Variants in CLCC1 observed in about 807,000 individuals in gnomAD.
The protein encoded by CLCC1 is chloride channel CLIC-like protein 1.
CLCC1 carries 39 observed loss-of-function variants against 63.3 expected under a neutral mutation model. The ratio of observed to expected loss-of-function variants is 0.62; its 90% CI spans 0.48 to 0.81. The LOEUF is 0.81. Among genes scored for constraint, CLCC1 ranks in the 30% least tolerant of loss-of-function variants. The pLI, the probability that CLCC1 is intolerant of heterozygous loss-of-function variation, is 0.00. For synonymous variants in CLCC1, 217 were observed against 239.8 expected (o/e 0.90, Z 0.88); for missense variants, 549 against 669.4 (o/e 0.82, Z 1.98).
rs1385628042 is a variant in CLCC1 at position 108,937,234 on chromosome 1, T to G, written c.1226A>C (p.Gln409Pro). 1.9e-6 allele frequency: 3 copies of G among 1,613,964 alleles called. No homozygotes were observed. Among genetic ancestry groups the G allele is most frequent in the Non-Finnish European group, 2.5e-6 (3 of 1,179,940 alleles). ...CTCATACGTTTTGGCATAAGGGCCT[T>G]GCTCAGTGGGGCCCATTTGGCCCCT... ...HYRGQMGPTE[Q>P]GPYAKTYEGR... The change falls in exon 11 of 13, where the codon CAA becomes CCA. Residue 409 changes from glutamine (Q) to proline (P), a missense_variant. Gln to Pro is a moderately conservative substitution (Grantham distance 76). Transcript: ENST00000369969.
rs1654266141 is a variant in CLCC1 at position 108,944,454 on chromosome 1, G to GT, written c.340-398dup. 2.0e-5 allele frequency among the ~76,000 whole-genome samples: 3 copies of GT among 151,606 alleles called. No homozygotes were observed. In the South Asian group the frequency reaches 6.2e-4, roughly 32 times the overall value. ...ACTGCACTCCAGCATGGGAGACAGA[G>GT]TAAGACCCTGTCTCTAAAAAAAAAA... On this transcript the variant is annotated intron_variant, in intron 5 of 12. Coordinates refer to ENST00000369969, the MANE Select transcript of CLCC1 (RefSeq NM_001377458.1).
intron 5 of CLCC1, among the ~76,000 whole-genome samples, chr1:108,945,542 G>A (rs1027828290): frequency 3.9e-5 from 6 of 152,116 alleles, no homozygotes; most frequent in Admixed American, 1.3e-4. Context: ...AGAACACCTC[G>A]ATTATTGACT....
In CLCC1 at chr1:108,943,845, A is replaced by G. The variant is rs187766437; in HGVS notation, c.552T>C (p.Asn184=). ...CCTCATCCCATCTTACCATTAACAC[A>G]TTATATGGATCCACTCCAAAGGAAT... The part of the protein sequence containing the change: ...FEDSFGVDPY[N]VLMVLLCLLC... Residue 184 remains asparagine, a synonymous_variant, in exon 6 of 13, where the codon AAT becomes AAC. Transcript: ENST00000369969. 2 of 1,609,404 alleles carry G rather than the reference A, an allele frequency of 1.2e-6. No individual in the cohort carries two copies. The highest frequency in any genetic ancestry group is 4.5e-5 in the East Asian group (2 of 44,858).
chr1:108,929,847 A>C lies in CLCC1; in HGVS notation c.*2700T>G. The C allele has an allele frequency of 6.2e-7, 1 of 1,614,088 alleles. No homozygotes were observed. On this transcript the variant is annotated 3_prime_UTR_variant, in exon 13 of 13. Coordinates refer to ENST00000369969, the MANE Select transcript of CLCC1 (RefSeq NM_001377458.1). The stretch of plus-strand genomic sequence containing the variant: ...AGAGAGTTCTTTTACAAAGAGATCA[A>C]AACAGAGACACTGACTTTGGGCTAA...
chr1:108,953,113 C>A (rs993888818), intron 2 of CLCC1, among the ~76,000 whole-genome samples: 1 of 152,200 alleles, frequency 6.6e-6, no homozygotes, highest in African/African-American at 2.4e-5. Flanking sequence ...TGTTGGGCAG[C>A]CTATCTTATA....
intron 4 of CLCC1, among the ~76,000 whole-genome samples, chr1:108,948,416 T>C (rs536941475): frequency 0.018 from 2,769 of 152,286 alleles, 41 homozygotes; most frequent in South Asian, 0.07. Context: ...TGGGTATTTT[T>C]CAAACATTAG....
Position 108,931,588 on chromosome 1 carries a change from AAG to A in CLCC1, c.*957_*958del. 7.0e-7 allele frequency: 1 copy of A among 1,418,582 alleles called. No individual in the cohort carries two copies. The highest frequency in any genetic ancestry group is 2.6e-5 in the East Asian group (1 of 38,868). 87.9% of individuals were successfully genotyped at this position (1,418,582 alleles called of 1,614,324 possible). A position where few individuals can be genotyped will look rare whatever the true frequency, so the allele number is the denominator to read the frequency against. ...ATTTCTCTAATGGCCAATGTTTTTTAAGAGTCATAACCTGGAATTAATTACAT... is the reference window on the plus strand; with the variant it reads ...ATTTCTCTAATGGCCAATGTTTTTTAAGTCATAACCTGGAATTAATTACAT... On this transcript the variant is annotated 3_prime_UTR_variant, in exon 13 of 13. Transcript: ENST00000369969.
chr1:108,934,320 C>T (rs1310142891), intron 12 of CLCC1: 7 of 220,016 alleles, frequency 3.2e-5, no homozygotes, highest in Admixed American at 1.0e-4. Context: ...AGTGGGTTCC[C>T]GTAAGTGCCT....
intron 10 of CLCC1, among the ~76,000 whole-genome samples, 180 bp downstream of exon 10, chr1:108,939,456 G>A (rs927624859): frequency 7.9e-5 from 12 of 151,160 alleles, no homozygotes; most frequent in South Asian, 4.2e-4. Flanking sequence ...ACAGGCGCCC[G>A]CCACCACGCC....
chr1:108,930,333 C>T lies in CLCC1; in HGVS notation c.*2214G>A, dbSNP rs1651716986. The T allele has an allele frequency of 1.2e-5, 2 of 166,414 alleles. No homozygotes were observed. The highest frequency in any genetic ancestry group is 2.6e-5 in the Non-Finnish European group (2 of 76,954). The allele number at this position is 166,414 out of a possible 1,614,324, so 10.3% of individuals were successfully genotyped here. ...ACATAACCATGGATGTAGTGGGAAACAATGTTGTTTGGTAAAAATAATGTA... is the reference window on the plus strand; with the variant it reads ...ACATAACCATGGATGTAGTGGGAAATAATGTTGTTTGGTAAAAATAATGTA... On this transcript the variant is annotated 3_prime_UTR_variant, in exon 13 of 13. Coordinates refer to ENST00000369969, the MANE Select transcript of CLCC1 (RefSeq NM_001377458.1).
chr1:108,956,881 C>CCGTG (rs747975035), intron 2 of CLCC1, among the ~76,000 whole-genome samples: 1 of 98,702 alleles, frequency 1.0e-5, no homozygotes, highest in Admixed American at 1.0e-4. Context: ...AGCTGGGAGG[C>CCGTG]AGGGAGGCGG....
chr1:108,939,892 C>T (rs934508406), intron 9 of CLCC1, 110 bp from the exon 10 acceptor site: 7 of 1,336,062 alleles, frequency 5.2e-6, no homozygotes, highest in Non-Finnish European at 7.2e-6. Flanking sequence ...AATTAAAATG[C>T]TGTTGTGCCA....
chr1:108,948,945 A>T (rs1425040839), intron 4 of CLCC1, among the ~76,000 whole-genome samples: 1 of 152,136 alleles, frequency 6.6e-6, no homozygotes, highest in Non-Finnish European at 1.5e-5. Flanking sequence ...AATAAGAATC[A>T]CAAGCAGGTG....
chr1:108,943,759 C>G, intron 6 of CLCC1, 77 bp downstream of exon 6: 1 of 1,437,776 alleles, frequency 7.0e-7, no homozygotes, highest in Non-Finnish European at 9.7e-7. Flanking sequence ...AGGTTCTTAA[C>G]GTAATTATGG....
intron 2 of CLCC1, among the ~76,000 whole-genome samples, chr1:108,956,887 G>A (rs113100353): frequency 6.9e-6 from 1 of 145,016 alleles, no homozygotes; most frequent in African/African-American, 2.6e-5. Context: ...GAGGCAGGGA[G>A]GCGGGGAGGC....
intron 11 of CLCC1, among the ~76,000 whole-genome samples, chr1:108,936,099 T>G (rs370061841): frequency 2.6e-4 from 38 of 145,464 alleles, no homozygotes; most frequent in South Asian, 1.1e-3. Flanking sequence ...TTTTTTTTTT[T>G]TTTTTTTTTT....
chr1:108,932,598 TCA>T (rs1652188181), intron 12 of CLCC1, 97 bp from the exon 13 acceptor site: 1 of 152,210 alleles, frequency 6.6e-6, no homozygotes, highest in African/African-American at 2.4e-5. Context: ...TTAATTCCAC[TCA>T]CAGTTACAGT....
At chr1:108,941,125 C>G (rs903395122) in intron 8 of CLCC1, among the ~76,000 whole-genome samples, 1 of 152,090 alleles carries the variant, frequency 6.6e-6, no homozygotes, top group African/African-American at 2.4e-5. Flanking sequence ...GTGCAAAGAA[C>G]GAGATGAACA....
chr1:108,947,163 C>G (rs536629262), intron 5 of CLCC1, among the ~76,000 whole-genome samples: 1 of 141,708 alleles, frequency 7.1e-6, no homozygotes, highest in South Asian at 2.3e-4. Context: ...GACTCTGTCT[C>G]AAAAAAAAAA....
Sources: gnomAD v4.1 joint callset for allele counts (sites outside exome capture counted in the v4.1 genomes callset) on GRCh38, gnomAD v4.1.1 for gene constraint, MANE v1.5 for transcripts, NCBI Gene and HGNC (gene_info 2026-07-23, HGNC 2026-07-21) for gene names.